EPHA5: variants seen among roughly 807,000 people sequenced by gnomAD.
The protein encoded by EPHA5 is ephrin type-A receptor 5.
In EPHA5, 60 loss-of-function variants were observed where a neutral mutation model predicts 105.0. That is an observed-to-expected ratio of 0.57 (90% confidence interval 0.46 to 0.71). EPHA5 has a LOEUF of 0.71. EPHA5 is among the 30% of genes least tolerant of loss of function. The pLI is 0.00. For missense variants in EPHA5, 1,218 were observed against 1,274.7 expected, an observed-to-expected ratio of 0.96 and a Z score of 0.68; for synonymous variants, 513 against 449.1, an observed-to-expected ratio of 1.14 and a Z score of -1.80.
At chr4:65,607,840 C>A (rs1166156563) in intron 2 of EPHA5, among the ~76,000 whole-genome samples, 1 of 152,132 alleles carries the variant, frequency 6.6e-6, no homozygotes, top group Non-Finnish European at 1.5e-5. Context: ...GGGTATATAT[C>A]CAAAGGATTC....
At chr4:65,549,480 T>C (rs984390810) in intron 3 of EPHA5, among the ~76,000 whole-genome samples, 4 of 152,292 alleles carry the variant, frequency 2.6e-5, no homozygotes, top group Admixed American at 6.5e-5. Context: ...GTTTGAAATA[T>C]AGAGCTAATA....
In EPHA5 at chr4:65,322,830, G is replaced by T. The variant is rs1719745785; in HGVS notation, c.*1284C>A. On this transcript the variant is annotated 3_prime_UTR_variant, in exon 17 of 17. Coordinates refer to ENST00000613740, the MANE Select transcript of EPHA5 (RefSeq NM_001281766.3). ...GGGAAATAAGCATATATATATATTT[G>T]TGTGTGTGTATGTGTATATATATAT... The T allele has an allele frequency of 4.4e-6, 1 of 227,632 alleles. No individual in the cohort carries two copies. The highest frequency in any genetic ancestry group is 8.7e-6 in the Non-Finnish European group (1 of 114,530). The allele number at this position is 227,632 out of a possible 1,614,324, so 14.1% of individuals were successfully genotyped here.
At chr4:65,402,839 T>A (rs748654197) in intron 8 of EPHA5, among the ~76,000 whole-genome samples, 21 of 152,154 alleles carry the variant, frequency 1.4e-4, no homozygotes, top group Non-Finnish European at 2.6e-4. Flanking sequence ...TGCAACTTGA[T>A]TATACTATTG....
intron 8 of EPHA5, among the ~76,000 whole-genome samples, chr4:65,399,351 T>C (rs1721586364): frequency 6.6e-6 from 1 of 152,180 alleles, no homozygotes; most frequent in African/African-American, 2.4e-5. Flanking sequence ...CACCCCTCAC[T>C]GCTCCATGCC....
intron 5 of EPHA5, among the ~76,000 whole-genome samples, chr4:65,462,555 C>T (rs193053242): frequency 1.7e-3 from 261 of 152,214 alleles, no homozygotes; most frequent in Middle Eastern, 0.01. Context: ...CTTCAGGAGT[C>T]TGGGGCTTCA....
intron 2 of EPHA5, among the ~76,000 whole-genome samples, chr4:65,633,867 T>C (rs962609774): frequency 6.6e-6 from 1 of 151,936 alleles, no homozygotes; most frequent in African/African-American, 2.4e-5. Flanking sequence ...AAAAAAGCAA[T>C]CTAAAGAAGA....
Position 65,570,426 on chromosome 4 carries a change from G to C in EPHA5, c.910+31215C>G, listed in dbSNP as rs1399058671. 1.0e-4 allele frequency among the ~76,000 whole-genome samples: 14 copies of C among 137,526 alleles called. No individual in the cohort carries two copies. In the East Asian group the frequency reaches 2.9e-3, roughly 29 times the overall value. The allele number at this position is 137,526 out of a possible 152,430, so 90.2% of individuals were successfully genotyped here. A position where few individuals can be genotyped will look rare whatever the true frequency, so the allele number is the denominator to read the frequency against. ...GTTGGTTAAAGCTCTTTAGTGTGATGGCCTTGGTTTTTTTTTTTCTTCCCC... is the reference window on the plus strand; with the variant it reads ...GTTGGTTAAAGCTCTTTAGTGTGATCGCCTTGGTTTTTTTTTTTCTTCCCC... On this transcript the variant is annotated intron_variant, in intron 3 of 16. Transcript: ENST00000613740.
At chr4:65,647,172 CA>C (rs1417448418) in intron 1 of EPHA5, among the ~76,000 whole-genome samples, 18 of 151,302 alleles carry the variant, frequency 1.2e-4, no homozygotes, top group African/African-American at 4.1e-4. Flanking sequence ...ACTAAAAATA[CA>C]AAAAAATTAG....
chr4:65,637,257 G>C (rs1351883900), intron 2 of EPHA5, among the ~76,000 whole-genome samples: 1 of 128,850 alleles, frequency 7.8e-6, no homozygotes, highest in Non-Finnish European at 1.7e-5. Context: ...GGTCCCTCCA[G>C]AAACAAACAA....
chr4:65,569,426 G>A (rs368616405), intron 3 of EPHA5, among the ~76,000 whole-genome samples: 377 of 151,696 alleles, frequency 2.5e-3, no homozygotes, highest in African/African-American at 8.7e-3. Context: ...AGATATATCA[G>A]TATAAGAATA....
intron 3 of EPHA5, among the ~76,000 whole-genome samples, chr4:65,590,601 T>C (rs1437440074): frequency 3.9e-5 from 6 of 152,170 alleles, no homozygotes; most frequent in Non-Finnish European, 5.9e-5. Flanking sequence ...GCAATAATTG[T>C]ACAATTTCCG....
intron 3 of EPHA5, among the ~76,000 whole-genome samples, chr4:65,570,932 G>T (rs375850503): frequency 6.6e-6 from 1 of 152,058 alleles, no homozygotes; most frequent in South Asian, 2.1e-4. Context: ...GATGTCATGG[G>T]TTCTGGAAAG....
At chr4:65,499,258 C>T (rs1732250783) in intron 3 of EPHA5, among the ~76,000 whole-genome samples, 1 of 151,540 alleles carries the variant, frequency 6.6e-6, no homozygotes, top group Non-Finnish European at 1.5e-5. Flanking sequence ...AAAATGTATC[C>T]TTCTTCATAT....
intron 3 of EPHA5, among the ~76,000 whole-genome samples, chr4:65,552,999 T>G (rs530438021): frequency 2.0e-5 from 3 of 152,204 alleles, no homozygotes; most frequent in Non-Finnish European, 4.4e-5. Flanking sequence ...TACCTACTTT[T>G]GGGGGCATTT....
chr4:65,664,299 T>C (rs1056039485), intron 1 of EPHA5, among the ~76,000 whole-genome samples: 2 of 151,948 alleles, frequency 1.3e-5, no homozygotes, highest in African/African-American at 4.8e-5. Context: ...ATATCATGCC[T>C]TCAAAAATTG....
At chr4:65,546,031 C>T (rs1266864118) in intron 3 of EPHA5, among the ~76,000 whole-genome samples, 1 of 151,924 alleles carries the variant, frequency 6.6e-6, no homozygotes, top group East Asian at 1.9e-4. Context: ...CTGAATGGTA[C>T]CTTGAAAATA....
chr4:65,328,692 A>G (rs1720314191), intron 16 of EPHA5, among the ~76,000 whole-genome samples: 1 of 151,040 alleles, frequency 6.6e-6, no homozygotes, highest in South Asian at 2.1e-4. Context: ...AATCAATGAT[A>G]TAGACATTGT....
intron 1 of EPHA5, among the ~76,000 whole-genome samples, chr4:65,654,136 T>C (rs529589157): frequency 6.6e-6 from 1 of 152,120 alleles, no homozygotes; most frequent in African/African-American, 2.4e-5. Context: ...ATTAGCATTC[T>C]TGCAACCATA....
At chr4:65,438,117 C>T (rs1301128425) in intron 5 of EPHA5, among the ~76,000 whole-genome samples, 4 of 151,764 alleles carry the variant, frequency 2.6e-5, no homozygotes, top group Non-Finnish European at 5.9e-5. Flanking sequence ...TAATCGCTGG[C>T]AAAACAGCAG....
Sources: allele counts gnomAD v4.1 joint callset (sites outside exome capture counted in the v4.1 genomes callset), GRCh38; gene constraint gnomAD v4.1.1; transcripts MANE v1.5; gene names NCBI Gene and HGNC (gene_info 2026-07-23, HGNC 2026-07-21).